ARHGAP10: variants seen among roughly 807,000 people sequenced by gnomAD.
The protein encoded by ARHGAP10 is rho GTPase-activating protein 10.
Under a neutral mutation model 108.6 loss-of-function variants are expected in ARHGAP10, and 87 were observed. The observed-to-expected ratio is 0.80, with a 90% CI of 0.67 to 0.96. The LOEUF (loss-of-function observed/expected upper bound fraction) is 0.96. Ranked by LOEUF, ARHGAP10 falls within the 40% of genes least tolerant of loss-of-function variation. The probability of loss-of-function intolerance (pLI) is 0.00; values close to 1 mark genes in which losing one functional copy is unlikely to be tolerated. For synonymous variants in ARHGAP10, 347 were observed against 341.1 expected (o/e 1.02, Z -0.19); for missense variants, 939 against 954.5 (o/e 0.98, Z 0.21).
At chr4:147,832,593 G>A (rs1354602950) in intron 3 of ARHGAP10, among the ~76,000 whole-genome samples, 1 of 142,364 alleles carries the variant, frequency 7.0e-6, no homozygotes, top group Non-Finnish European at 1.5e-5. Context: ...GTTACAATGA[G>A]CTGAAATCGT....
At chr4:148,070,779 T>C (rs2149695823) in intron 22 of ARHGAP10, among the ~76,000 whole-genome samples, 1 of 152,328 alleles carries the variant, frequency 6.6e-6, no homozygotes, top group South Asian at 2.1e-4. Flanking sequence ...GTTGGTCCGC[T>C]GGAGTAGCTC....
chr4:147,871,709 A>G (rs1032530554), intron 7 of ARHGAP10, among the ~76,000 whole-genome samples: 4 of 152,344 alleles, frequency 2.6e-5, no homozygotes, highest in Non-Finnish European at 2.9e-5. Context: ...ATGCCTTCAT[A>G]TGTACTTGGA....
At chr4:147,834,516 G>T (rs761748244) in intron 3 of ARHGAP10, among the ~76,000 whole-genome samples, 1 of 152,112 alleles carries the variant, frequency 6.6e-6, no homozygotes, top group Non-Finnish European at 1.5e-5. Flanking sequence ...ATCAGTGGAT[G>T]AATCCATTCA....
At chr4:148,034,630 C>T (rs1401999732) in intron 19 of ARHGAP10, among the ~76,000 whole-genome samples, 2 of 152,028 alleles carry the variant, frequency 1.3e-5, no homozygotes, top group African/African-American at 4.8e-5. Flanking sequence ...CCCTGGCCTC[C>T]ATCTGGCAAT....
chr4:147,816,780 G>T (rs17023889), intron 1 of ARHGAP10, among the ~76,000 whole-genome samples: 2,858 of 152,258 alleles, frequency 0.019, 103 homozygotes, highest in African/African-American at 0.066. Context: ...ACAGGAAAAC[G>T]TGAAGGAAAA....
chr4:148,006,938 CTT>C (rs1740974576), intron 18 of ARHGAP10, among the ~76,000 whole-genome samples: 1 of 152,244 alleles, frequency 6.6e-6, no homozygotes, highest in Non-Finnish European at 1.5e-5. Flanking sequence ...CCTTTGTGGC[CTT>C]TTTCTGAACA....
At chr4:147,945,988 G>T (rs149740164) in intron 14 of ARHGAP10, among the ~76,000 whole-genome samples, 1 of 152,172 alleles carries the variant, frequency 6.6e-6, no homozygotes, top group Non-Finnish European at 1.5e-5. Context: ...ATTCCCAGTA[G>T]CTCCACCCTG....
chr4:148,055,595 C>T (rs541704993), intron 20 of ARHGAP10, among the ~76,000 whole-genome samples: 11 of 152,048 alleles, frequency 7.2e-5, no homozygotes, highest in African/African-American at 1.7e-4. Flanking sequence ...AGGCGAAGCA[C>T]GAGAATTGCT....
intron 10 of ARHGAP10, among the ~76,000 whole-genome samples, chr4:147,883,329 T>C (rs554855216): frequency 1.3e-5 from 2 of 152,340 alleles, no homozygotes; most frequent in Admixed American, 6.5e-5. Context: ...CCCAAAGTCA[T>C]AGGACTACAG....
At chr4:147,970,014 C>G (rs1441408701) in intron 18 of ARHGAP10, among the ~76,000 whole-genome samples, 1 of 152,086 alleles carries the variant, frequency 6.6e-6, no homozygotes, top group Non-Finnish European at 1.5e-5. Flanking sequence ...TGGGGGATGT[C>G]AGTTTGGATT....
intron 5 of ARHGAP10, chr4:147,861,926 A>G (rs914829037): frequency 2.0e-5 from 3 of 152,252 alleles, no homozygotes; most frequent in Non-Finnish European, 4.4e-5. Context: ...GACTCCACCT[A>G]GAACTGGCAG....
intron 7 of ARHGAP10, among the ~76,000 whole-genome samples, chr4:147,872,226 A>C (rs1344540162): frequency 6.6e-6 from 1 of 151,766 alleles, no homozygotes; most frequent in Non-Finnish European, 1.5e-5. Flanking sequence ...AGTGGTGATG[A>C]GACAGAGGTG....
intron 18 of ARHGAP10, among the ~76,000 whole-genome samples, chr4:148,021,300 C>G (rs1317737534): frequency 6.6e-6 from 1 of 152,154 alleles, no homozygotes; most frequent in Non-Finnish European, 1.5e-5. Context: ...TCACTTCAAA[C>G]TGGAGGAAAG....
At chr4:147,996,084 G>A (rs1050785681) in intron 18 of ARHGAP10, among the ~76,000 whole-genome samples, 2 of 152,156 alleles carry the variant, frequency 1.3e-5, no homozygotes, top group Non-Finnish European at 2.9e-5. Flanking sequence ...TACTCAAAAA[G>A]CTCTTCTTTA....
At chr4:148,007,847 T>G (rs188667356) in intron 18 of ARHGAP10, among the ~76,000 whole-genome samples, 358 of 152,270 alleles carry the variant, frequency 2.4e-3, no homozygotes, top group African/African-American at 7.0e-3. Flanking sequence ...CTGGGTTTCT[T>G]TCTAGTTCCT....
intron 1 of ARHGAP10, among the ~76,000 whole-genome samples, chr4:147,759,478 G>C (rs1329666041): frequency 6.6e-6 from 1 of 152,102 alleles, no homozygotes; most frequent in Non-Finnish European, 1.5e-5. Flanking sequence ...GGAGGCTGAG[G>C]TGGGAGAATC....
intron 18 of ARHGAP10, among the ~76,000 whole-genome samples, chr4:147,982,886 T>C (rs1465200391): frequency 6.6e-6 from 1 of 151,944 alleles, no homozygotes; most frequent in Admixed American, 6.6e-5. Context: ...ACTTTCTTTT[T>C]TTTCCTGAAT....
chr4:148,050,667 C>T (rs1025174888), intron 20 of ARHGAP10, among the ~76,000 whole-genome samples: 3 of 151,804 alleles, frequency 2.0e-5, no homozygotes, highest in African/African-American at 4.9e-5. Flanking sequence ...GCCACCGTGC[C>T]CGGTTGATTC....
chr4:147,847,564 G>A (rs1193242582), intron 4 of ARHGAP10, among the ~76,000 whole-genome samples: 3 of 152,200 alleles, frequency 2.0e-5, no homozygotes, highest in Non-Finnish European at 2.9e-5. Flanking sequence ...ATGGAGGAGT[G>A]TAGCATTACA....
Sources: allele counts gnomAD v4.1 joint callset (sites outside exome capture counted in the v4.1 genomes callset), GRCh38; gene constraint gnomAD v4.1.1; transcripts MANE v1.5; gene names NCBI Gene and HGNC (gene_info 2026-07-23, HGNC 2026-07-21).